NUP62: variants seen among roughly 807,000 people sequenced by gnomAD.
NUP62 encodes the protein nuclear pore glycoprotein p62.
For synonymous variants in NUP62, 305 were observed against 303.4 expected (o/e 1.01, Z -0.05); for missense variants, 647 against 689.4 (o/e 0.94, Z 0.69).
At chr19:49,918,898 G>GC in intron 2 of NUP62, among the ~76,000 whole-genome samples, 1 of 71,318 alleles carries the variant, frequency 1.4e-5, no homozygotes, top group African/African-American at 5.3e-5. Context: ...GGGAGGCTGG[G>GC]GGGGGGGGGG....
chr19:49,928,835 CT>C (rs570055889), intron 1 of NUP62: 42 of 152,320 alleles, frequency 2.8e-4, no homozygotes, highest in African/African-American at 9.9e-4. Context: ...GAGAAATGAA[CT>C]GGTGCAGGTC....
chr19:49,925,715 C>T (rs1478320527), intron 2 of NUP62, among the ~76,000 whole-genome samples: 3 of 152,168 alleles, frequency 2.0e-5, no homozygotes, highest in South Asian at 2.1e-4. Flanking sequence ...CCAAAATCAG[C>T]ATCAAGTGTG....
intron 2 of NUP62, chr19:49,918,496 G>A (rs979724219): frequency 2.0e-5 from 3 of 152,214 alleles, no homozygotes; most frequent in Non-Finnish European, 2.9e-5. Flanking sequence ...AGGGAGGAAG[G>A]GACAGGGATA....
At position 49,921,899 on chromosome 19, in the gene NUP62, G is replaced by T. The variant is rs1285590726; in HGVS notation, c.-78+5795C>A. On this transcript the variant is annotated intron_variant, in intron 2 of 2. Transcript: ENST00000352066. This position sits in a 1 kb window ranked among gnomAD's most constrained non-coding sequence, Gnocchi z 5.4. Reference sequence around the variant, plus strand: ...GGAGCTGCCTCCTCTGGACACAGCGGTGGCTCTCACCTCCCTTCCATCTTG... The same window carrying T: ...GGAGCTGCCTCCTCTGGACACAGCGTTGGCTCTCACCTCCCTTCCATCTTG... 6.6e-6 allele frequency among the ~76,000 whole-genome samples: 1 copy of T among 152,194 alleles called. No homozygotes were observed. The highest frequency in any genetic ancestry group is 1.5e-5 in the Non-Finnish European group (1 of 68,028).
intron 2 of NUP62, chr19:49,917,883 T>C (rs1486103990): frequency 6.6e-6 from 1 of 152,078 alleles, no homozygotes; most frequent in Admixed American, 6.6e-5. Context: ...AATATAAAAA[T>C]TAGCCAGGTG....
In NUP62 at chr19:49,908,988, CGGTGGATGT is replaced by C. The variant is rs2075389737; in HGVS notation, c.811_819del (p.Thr271_Thr273del). ...GTGGTGGTGGCGGTGGCGGTGGCAG[CGGTGGATGT>C]TGTTGTGGAGGTGCCGGAAGCTGCT... On this transcript the variant is annotated inframe_deletion, in exon 3 of 3. Coordinates refer to ENST00000352066, the MANE Select transcript of NUP62 (RefSeq NM_016553.5). 6.2e-7 allele frequency: 1 copy of C among 1,610,128 alleles called. No homozygotes were observed.
intron 2 of NUP62, among the ~76,000 whole-genome samples, chr19:49,914,367 G>A (rs751868428): frequency 5.9e-5 from 9 of 152,166 alleles, no homozygotes; most frequent in Non-Finnish European, 1.2e-4. Flanking sequence ...GGGTATGCCT[G>A]GGCCTGTGCT....
intron 2 of NUP62, among the ~76,000 whole-genome samples, chr19:49,916,971 C>T (rs918640314): frequency 1.3e-5 from 2 of 152,342 alleles, no homozygotes; most frequent in Middle Eastern, 3.4e-3. Flanking sequence ...CCATGGCATT[C>T]GGCTGACAGC....
chr19:49,925,896 C>T (rs2075874818), intron 2 of NUP62, among the ~76,000 whole-genome samples: 1 of 152,178 alleles, frequency 6.6e-6, no homozygotes, highest in Admixed American at 6.5e-5. Flanking sequence ...TACAATTATT[C>T]CAAAATAAAA....
At position 49,921,871 on chromosome 19, in the gene NUP62, G is replaced by A. The variant is rs144271491; in HGVS notation, c.-78+5823C>T. ...ACCACATATCCTGGGCCAGACGAAT[G>A]CAGGAGCTGCCTCCTCTGGACACAG... On this transcript the variant is annotated intron_variant, in intron 2 of 2. Transcript: ENST00000352066. The surrounding 1 kb of genome is among the most constrained non-coding windows in gnomAD (Gnocchi z 5.4). Among the ~76,000 whole-genome samples the A allele has an allele frequency of 5.3e-4, 80 of 152,298 alleles. 1 individual carries two copies. In the Middle Eastern group the frequency reaches 0.01, roughly 19 times the overall value.
At chr19:49,927,485 C>T (rs1186937583) in intron 2 of NUP62, among the ~76,000 whole-genome samples, 5 of 152,284 alleles carry the variant, frequency 3.3e-5, no homozygotes, top group African/African-American at 7.2e-5. Flanking sequence ...TGCAGGCCCA[C>T]GGGTGGGACA....
At chr19:49,914,098 C>G (rs114485633) in intron 2 of NUP62, among the ~76,000 whole-genome samples, 1 of 152,120 alleles carries the variant, frequency 6.6e-6, no homozygotes. Context: ...CCTGTAATCC[C>G]AGTACTTTCG....
intron 2 of NUP62, among the ~76,000 whole-genome samples, chr19:49,914,232 C>T (rs141948656): frequency 1.2e-4 from 18 of 152,282 alleles, no homozygotes; most frequent in African/African-American, 3.6e-4. Context: ...GCTCTGATCC[C>T]GGAATTACCA....
At chr19:49,910,363 C>T (rs62126291) in intron 2 of NUP62, among the ~76,000 whole-genome samples, 375 of 152,140 alleles carry the variant, frequency 2.5e-3, no homozygotes, top group Admixed American at 5.9e-3. Flanking sequence ...GGCCGGGAAC[C>T]CAGGCTGGAT....
At chr19:49,917,259 C>T (rs951483784) in intron 2 of NUP62, among the ~76,000 whole-genome samples, 2 of 152,228 alleles carry the variant, frequency 1.3e-5, no homozygotes, top group Admixed American at 6.5e-5. Flanking sequence ...ACACTGCCTT[C>T]CCTCACTTGC....
At chr19:49,927,195 C>G (rs2075917794) in intron 2 of NUP62, among the ~76,000 whole-genome samples, 1 of 152,020 alleles carries the variant, frequency 6.6e-6, no homozygotes, top group African/African-American at 2.4e-5. Flanking sequence ...CTTCGTACCA[C>G]AGGGGAAACT....
intron 2 of NUP62, among the ~76,000 whole-genome samples, chr19:49,912,591 A>T (rs1199314310): frequency 1.3e-5 from 2 of 151,190 alleles, no homozygotes; most frequent in Non-Finnish European, 2.9e-5. Flanking sequence ...TGGCCAGGTG[A>T]GGTGGCTCAC....
At chr19:49,918,914 T>TGGGG (rs1347873056) in intron 2 of NUP62, among the ~76,000 whole-genome samples, 1 of 31,400 alleles carries the variant, frequency 3.2e-5, no homozygotes, top group Non-Finnish European at 6.5e-5. Context: ...GGGGGCGGGG[T>TGGGG]GTGGGGGGGC....
intron 2 of NUP62, among the ~76,000 whole-genome samples, chr19:49,926,520 ACT>A (rs1396815262): frequency 4.1e-5 from 6 of 147,834 alleles, no homozygotes; most frequent in African/African-American, 1.2e-4. Context: ...ACACAGCAAG[ACT>A]CTGTCTCAAA....
Sources: allele counts gnomAD v4.1 joint callset (sites outside exome capture counted in the v4.1 genomes callset), GRCh38; gene constraint gnomAD v4.1.1; non-coding constraint Gnocchi (gnomAD v3.1); transcripts MANE v1.5; gene names NCBI Gene and HGNC (gene_info 2026-07-23, HGNC 2026-07-21).